The following FAM81A variants were observed in gnomAD, a reference collection of about 807,000 sequenced individuals.
FAM81A encodes family with sequence similarity 81 member A.
In FAM81A, 19 loss-of-function variants were observed where a neutral mutation model predicts 46.7. The ratio of observed to expected loss-of-function variants is 0.41; its 90% CI spans 0.28 to 0.60. FAM81A has a LOEUF of 0.60. FAM81A is among the 20% of genes least tolerant of loss of function. The pLI, the probability that FAM81A is intolerant of heterozygous loss-of-function variation, is 0.34. For missense variants in FAM81A, 377 were observed against 453.5 expected, an observed-to-expected ratio of 0.83 and a Z score of 1.53; for synonymous variants, 183 against 152.9, an observed-to-expected ratio of 1.20 and a Z score of -1.45.
At chr15:59,443,710 A>C (rs2141592542) in intron 1 of FAM81A, among the ~76,000 whole-genome samples, 1 of 152,262 alleles carries the variant, frequency 6.6e-6, no homozygotes, top group Middle Eastern at 3.4e-3. Context: ...GCACTCCCAC[A>C]TCCAGACAGT....
chr15:59,422,504 T>A (rs948478509), intron 2 of FAM81A, among the ~76,000 whole-genome samples: 1 of 151,994 alleles, frequency 6.6e-6, no homozygotes, highest in African/African-American at 2.4e-5. Context: ...TGAGGTGGAG[T>A]CTCGCTCTGT....
rs56862038 is a variant in FAM81A, at chr15:59,450,103, CTTTT to C, written c.-77-8434_-77-8431del. Among the ~76,000 whole-genome samples, 24 of 126,268 alleles carry C rather than the reference CTTTT, an allele frequency of 1.9e-4. 1 individual carries two copies. Among genetic ancestry groups the C allele is most frequent in the Admixed American group, 9.3e-4 (11 of 11,804 alleles). The allele number at this position is 126,268 out of a possible 152,430, so 82.8% of individuals were successfully genotyped here. A position where few individuals can be genotyped will look rare whatever the true frequency, so the allele number is the denominator to read the frequency against. ...ACACCCAGCTAATTTTTCTTTCTTT[CTTTT>C]TTTTTTTTTTTTAATGTAAATGGGG... On this transcript the variant is annotated intron_variant, in intron 1 of 8. Transcript: ENST00000288228.
intron 1 of FAM81A, chr15:59,444,084 A>T (rs1448589073): frequency 6.6e-6 from 1 of 152,282 alleles, no homozygotes; most frequent in Non-Finnish European, 1.5e-5. Flanking sequence ...CAGCCCCTCC[A>T]TTCTTGCACG....
At chr15:59,409,289 C>A (rs2081110201) in intron 2 of FAM81A, among the ~76,000 whole-genome samples, 2 of 152,170 alleles carry the variant, frequency 1.3e-5, no homozygotes, top group Admixed American at 1.3e-4. Context: ...CCCGAAGATG[C>A]CTTTCTCCGG....
chr15:59,459,101 A>C (rs1449248325), intron 2 of FAM81A, among the ~76,000 whole-genome samples: 1 of 152,080 alleles, frequency 6.6e-6, no homozygotes, highest in Non-Finnish European at 1.5e-5. Flanking sequence ...GGCTTAGGTG[A>C]TCTCCCACCT....
At chr15:59,424,781 T>C (rs2081188335) in intron 2 of FAM81A, among the ~76,000 whole-genome samples, 3 of 152,222 alleles carry the variant, frequency 2.0e-5, no homozygotes, top group South Asian at 4.2e-4. Flanking sequence ...CTATATCTAT[T>C]TCCTCTGCAG....
chr15:59,426,432 C>T (rs1489753855), intron 2 of FAM81A, among the ~76,000 whole-genome samples: 1 of 152,068 alleles, frequency 6.6e-6, no homozygotes, highest in Non-Finnish European at 1.5e-5. Flanking sequence ...ATGAAGAAAC[C>T]CCGTCTCTAC....
rs1390519886 is a variant in FAM81A, at chr15:59,460,599, G to A, written c.294+393G>A. ...TGTTGCTTCAGATTAAATGTTTCTA[G>A]GTCATAATGATTATATGTAATACAG... On this transcript the variant is annotated intron_variant, in intron 3 of 8. Transcript: ENST00000288228. The surrounding 1 kb of genome is among the most constrained non-coding windows in gnomAD (Gnocchi z 4.4). 3 of 341,120 alleles carry A rather than the reference G, an allele frequency of 8.8e-6. No homozygotes were observed. The highest frequency in any genetic ancestry group is 8.3e-5 in the Admixed American group (2 of 23,992). 21.1% of individuals were successfully genotyped at this position (341,120 alleles called of 1,614,324 possible).
At chr15:59,514,220 C>A in intron 6 of FAM81A, 69 bp from the exon 7 acceptor site, 1 of 1,419,508 alleles carries the variant, frequency 7.0e-7, no homozygotes, top group South Asian at 1.5e-5. Context: ...AACATGTACC[C>A]TGGAACTTAA....
intron 1 of FAM81A, among the ~76,000 whole-genome samples, chr15:59,447,902 G>T (rs1318846386): frequency 6.6e-6 from 1 of 152,172 alleles, no homozygotes; most frequent in African/African-American, 2.4e-5. Flanking sequence ...ATAATTGGTG[G>T]CCTGGGCACT....
intron 2 of FAM81A, among the ~76,000 whole-genome samples, chr15:59,415,383 G>A (rs2081142218): frequency 1.3e-5 from 2 of 152,150 alleles, no homozygotes; most frequent in Admixed American, 6.5e-5. Flanking sequence ...CTCCTAGAAT[G>A]CTGGGATTAC....
intron 1 of FAM81A, among the ~76,000 whole-genome samples, chr15:59,399,680 G>C (rs1459931530): frequency 6.6e-6 from 1 of 152,194 alleles, no homozygotes; most frequent in Non-Finnish European, 1.5e-5. Context: ...TCCTCTGGCT[G>C]ATTGAAGATA....
chr15:59,474,879 A>G (rs548368652), intron 3 of FAM81A, among the ~76,000 whole-genome samples: 1 of 152,314 alleles, frequency 6.6e-6, no homozygotes, highest in South Asian at 2.1e-4. Context: ...ACCTCTTAGA[A>G]GCTCTTCTAG....
At chr15:59,495,358 T>C (rs1224080140) in intron 4 of FAM81A, among the ~76,000 whole-genome samples, 1 of 152,240 alleles carries the variant, frequency 6.6e-6, no homozygotes, top group Non-Finnish European at 1.5e-5. Context: ...GTATCAGCAC[T>C]ACATTCCTTG....
intron 2 of FAM81A, among the ~76,000 whole-genome samples, chr15:59,422,671 T>A (rs2081179244): frequency 6.6e-6 from 1 of 152,002 alleles, no homozygotes; most frequent in Admixed American, 6.6e-5. Flanking sequence ...AGAGACGGGG[T>A]TTCACTGTGT....
chr15:59,417,509 C>T (rs2081151946), intron 2 of FAM81A, among the ~76,000 whole-genome samples: 2 of 151,228 alleles, frequency 1.3e-5, no homozygotes, highest in African/African-American at 4.9e-5. Flanking sequence ...AGTTCGAGAC[C>T]AGCCTGGCCA....
chr15:59,401,945 G>T (rs1253555763), intron 1 of FAM81A: 3 of 734,280 alleles, frequency 4.1e-6, no homozygotes, highest in South Asian at 2.9e-5. Context: ...TTTTCTCATG[G>T]TAATCCAAAC....
In FAM81A at chr15:59,521,461, A is replaced by T. The variant is rs542626515; in HGVS notation, c.*83A>T. On this transcript the variant is annotated 3_prime_UTR_variant, in exon 9 of 9. Transcript: ENST00000288228. ...ACCTCTGTAGCCAGGCCATCGCTGC[A>T]TTCAGGATTGTTCCATCCATGGCGT... 1.6e-5 allele frequency: 23 copies of T among 1,476,246 alleles called. No individual in the cohort carries two copies. The highest frequency in any genetic ancestry group is 8.5e-5 in the African/African-American group (6 of 70,602). 91.4% of individuals were successfully genotyped at this position (1,476,246 alleles called of 1,614,324 possible). A position where few individuals can be genotyped will look rare whatever the true frequency, so the allele number is the denominator to read the frequency against.
chr15:59,486,967 A>G (rs2141734041), intron 3 of FAM81A, among the ~76,000 whole-genome samples: 1 of 152,136 alleles, frequency 6.6e-6, no homozygotes, highest in South Asian at 2.1e-4. Context: ...TGGTAATAGT[A>G]AGTACACAGA....
Sources: allele counts gnomAD v4.1 joint callset (sites outside exome capture counted in the v4.1 genomes callset), GRCh38; gene constraint gnomAD v4.1.1; non-coding constraint Gnocchi (gnomAD v3.1); transcripts MANE v1.5; gene names NCBI Gene and HGNC (gene_info 2026-07-23, HGNC 2026-07-21).